Variants in ZFR observed in about 807,000 individuals in gnomAD.
ZFR encodes zinc finger RNA-binding protein.
ZFR carries 19 observed loss-of-function variants against 130.7 expected under a neutral mutation model. The ratio of observed to expected loss-of-function variants is 0.15; its 90% confidence interval spans 0.10 to 0.21. ZFR has a LOEUF of 0.21. ZFR is among the 10% of genes least tolerant of loss of function. ZFR has a pLI of 1.00. For missense variants in ZFR, 872 were observed against 1,321.5 expected (o/e 0.66, Z 5.27); for synonymous variants, 466 against 456.9 (o/e 1.02, Z -0.25).
At chr5:32,364,482 A>C (rs1263617420) in intron 17 of ZFR, 1 of 269,102 alleles carries the variant, frequency 3.7e-6, no homozygotes, top group Non-Finnish European at 7.0e-6. Context: ...TCTGTAATCC[A>C]AACACTTTGG....
At chr5:32,361,945 A>G (rs1752443875) in intron 19 of ZFR, among the ~76,000 whole-genome samples, 1 of 152,138 alleles carries the variant, frequency 6.6e-6, no homozygotes, top group Non-Finnish European at 1.5e-5. Flanking sequence ...GAGTTTCTAA[A>G]TGAAGGAATA....
rs1299640638 is a variant in ZFR at position 32,387,555 on chromosome 5, C to T, written c.2493G>A (p.Gln831=). The T allele has an allele frequency of 6.2e-7, 1 of 1,611,888 alleles. No individual in the cohort carries two copies. The highest frequency in any genetic ancestry group is 1.3e-5 in the African/African-American group (1 of 74,788). The part of the protein sequence containing the change: ...LSRIAENLPK[Q]LAVISPEKYD... ...ACATTTCCATAATACTTACAGCAAGCTGTTTGGGTAGGTTTTCTGCAATAC... is the reference window on the plus strand; with the variant it reads ...ACATTTCCATAATACTTACAGCAAGTTGTTTGGGTAGGTTTTCTGCAATAC... The change falls in exon 14 of 20, where the codon CAG becomes CAA. Residue 831 remains glutamine (Q), a synonymous_variant. Coordinates refer to ENST00000265069, the MANE Select transcript of ZFR (RefSeq NM_016107.5).
chr5:32,361,592 A>G (rs901771782), intron 19 of ZFR, among the ~76,000 whole-genome samples: 7 of 151,274 alleles, frequency 4.6e-5, no homozygotes, highest in African/African-American at 1.7e-4. Context: ...TACCACAGAG[A>G]TATTCTTACT....
chr5:32,394,435 T>C (rs1302426726), intron 11 of ZFR: 1 of 168,438 alleles, frequency 5.9e-6, no homozygotes, highest in Non-Finnish European at 1.5e-5. Context: ...CAAATCGTCA[T>C]CTGGCACAAA....
chr5:32,373,730 A>T (rs922585370), intron 17 of ZFR, among the ~76,000 whole-genome samples: 1 of 152,224 alleles, frequency 6.6e-6, no homozygotes, highest in Non-Finnish European at 1.5e-5. Context: ...CAATACTAGG[A>T]GCGAATTTTA....
In ZFR at chr5:32,436,180, G is replaced by A. The variant is rs544355474; in HGVS notation, c.137+8049C>T. 6.9e-5 allele frequency among the ~76,000 whole-genome samples: 8 copies of A among 115,862 alleles called. No homozygotes were observed. In the Middle Eastern group the frequency reaches 0.02, roughly 286 times the overall value. 76.0% of individuals were successfully genotyped at this position (115,862 alleles called of 152,430 possible). A position where few individuals can be genotyped will look rare whatever the true frequency, so the allele number is the denominator to read the frequency against. On this transcript the variant is annotated intron_variant, in intron 2 of 19. Coordinates refer to ENST00000265069, the MANE Select transcript of ZFR (RefSeq NM_016107.5). ...TTTTTTTTTTTTGAGATGGAGTCTC[G>A]CTCTGTCGCCCAGGCTGGAGTGCAG...
intron 19 of ZFR, among the ~76,000 whole-genome samples, chr5:32,360,071 T>G (rs1752398550): frequency 6.6e-6 from 1 of 152,210 alleles, no homozygotes; most frequent in Non-Finnish European, 1.5e-5. Context: ...CTTAAAATCT[T>G]GAAACTAGGG....
chr5:32,379,426 A>T, intron 16 of ZFR: 1 of 546,566 alleles, frequency 1.8e-6, no homozygotes, highest in Non-Finnish European at 3.3e-6. Flanking sequence ...TAAACAGATT[A>T]TACAAGAATA....
At chr5:32,433,179 A>G (rs145625587) in intron 2 of ZFR, among the ~76,000 whole-genome samples, 17 of 152,312 alleles carry the variant, frequency 1.1e-4, no homozygotes, top group African/African-American at 3.8e-4. Context: ...CTCACCAGGA[A>G]AGACAGCTAT....
chr5:32,396,095 T>C (rs1753302476), intron 10 of ZFR, among the ~76,000 whole-genome samples: 1 of 151,874 alleles, frequency 6.6e-6, no homozygotes, highest in Non-Finnish European at 1.5e-5. Flanking sequence ...GGCACATGCC[T>C]GTAGTCCCAG....
At chr5:32,383,142 A>G (rs1752967757) in intron 15 of ZFR, among the ~76,000 whole-genome samples, 1 of 152,256 alleles carries the variant, frequency 6.6e-6, no homozygotes, top group African/African-American at 2.4e-5. Context: ...TAGTGTGAAC[A>G]CTGCTCAATT....
intron 19 of ZFR, among the ~76,000 whole-genome samples, chr5:32,361,125 T>C (rs1384577005): frequency 6.6e-6 from 1 of 152,236 alleles, no homozygotes; most frequent in Non-Finnish European, 1.5e-5. Context: ...CTAACCTGTT[T>C]TTCAAAGTGA....
chr5:32,416,914 CT>C (rs57923621), intron 4 of ZFR, among the ~76,000 whole-genome samples: 2,542 of 146,330 alleles, frequency 0.017, 41 homozygotes, highest in Non-Finnish European at 0.027. Context: ...CATTTTTTTT[CT>C]TTTTTTTTTT....
At chr5:32,393,345 ATT>A (rs199542795) in intron 11 of ZFR, among the ~76,000 whole-genome samples, 3 of 146,068 alleles carry the variant, frequency 2.1e-5, no homozygotes, top group Non-Finnish European at 1.5e-5. Flanking sequence ...TTAGTTTTAA[ATT>A]TTTTTTTTTT....
intron 15 of ZFR, among the ~76,000 whole-genome samples, chr5:32,383,386 ATACTT>A (rs1167982380): frequency 2.6e-5 from 4 of 152,192 alleles, no homozygotes; most frequent in Non-Finnish European, 4.4e-5. Context: ...AACACACAAA[ATACTT>A]AACTTGCTGC....
At chr5:32,421,325 T>A (rs1309390388) in intron 2 of ZFR, among the ~76,000 whole-genome samples, 1 of 151,996 alleles carries the variant, frequency 6.6e-6, no homozygotes, top group Non-Finnish European at 1.5e-5. Flanking sequence ...AAAAAAAAAA[T>A]GTTGAAGCTG....
intron 5 of ZFR, among the ~76,000 whole-genome samples, chr5:32,411,715 G>GGGAA (rs1276784181): frequency 9.2e-5 from 1 of 10,918 alleles, no homozygotes. Flanking sequence ...ATTGAGGGGG[G>GGGAA]GCGGGGAATA....
intron 2 of ZFR, among the ~76,000 whole-genome samples, chr5:32,438,894 C>T (rs889154000): frequency 8.5e-5 from 13 of 152,172 alleles, no homozygotes; most frequent in Admixed American, 1.3e-4. Flanking sequence ...CAAGGCAAGT[C>T]AGGTGAGGAA....
chr5:32,419,909 G>A lies in ZFR; in HGVS notation c.332C>T (p.Thr111Ile). Residue 111 changes from threonine to isoleucine, a missense_variant, in exon 3 of 20, where the codon ACT becomes ATT. Thr to Ile is a moderately conservative substitution (Grantham distance 89, BLOSUM62 -1). Coordinates refer to ENST00000265069, the MANE Select transcript of ZFR (RefSeq NM_016107.5). ...ATAAAYGGYP[T>I]AHTATDYGYT... ...ACCATAGTCAGTTGCTGTGTGTGCA[G>A]TGGGGTAGCCTCCATAAGCAGCAGC... 1 of 1,614,032 alleles carries A rather than the reference G, an allele frequency of 6.2e-7. No individual in the cohort carries two copies. Among genetic ancestry groups the A allele is most frequent in the Non-Finnish European group, 8.5e-7 (1 of 1,179,978 alleles).
Sources: allele counts gnomAD v4.1 joint callset (sites outside exome capture counted in the v4.1 genomes callset), GRCh38; gene constraint gnomAD v4.1.1; transcripts MANE v1.5; gene names NCBI Gene and HGNC (gene_info 2026-07-23, HGNC 2026-07-21).